Variants in RNH1 observed in about 807,000 individuals in gnomAD.
RNH1 encodes the protein ribonuclease inhibitor.
RNH1 carries 38 observed loss-of-function variants against 46.1 expected under a neutral mutation model. That is an observed-to-expected ratio of 0.82 (90% CI 0.64 to 1.08). RNH1 has a LOEUF of 1.08. Among genes scored for constraint, RNH1 ranks in the 50% least tolerant of loss-of-function variants. The probability of loss-of-function intolerance (pLI) is 0.00; values close to 1 mark genes in which losing one functional copy is unlikely to be tolerated. For missense variants in RNH1, 577 were observed against 590.7 expected (o/e 0.98, Z 0.24); for synonymous variants, 319 against 279.1 (o/e 1.14, Z -1.43).
In RNH1 at chr11:502,263, C is replaced by G. The variant is rs1849818252; in HGVS notation, c.-87-14G>C. The stretch of plus-strand genomic sequence containing the variant: ...AGGCCGGAGATTCTGCAAACAGGAC[C>G]CACAGGGCTGATGTTTCAGGAGGAG... On this transcript the variant is annotated splice_polypyrimidine_tract_variant and intron_variant, in intron 2 of 10. Transcript: ENST00000354420. The surrounding 1 kb of genome is among the most constrained non-coding windows in gnomAD (Gnocchi z 5.8). The G allele has an allele frequency of 2.2e-6, 2 of 914,112 alleles. No individual in the cohort carries two copies. Among genetic ancestry groups the G allele is most frequent in the South Asian group, 2.8e-5 (2 of 71,082 alleles). The allele number at this position is 914,112 out of a possible 1,614,324, so 56.6% of individuals were successfully genotyped here. A position where few individuals can be genotyped will look rare whatever the true frequency, so the allele number is the denominator to read the frequency against.
intron 2 of RNH1, among the ~76,000 whole-genome samples, chr11:504,163 T>A (rs1850013219): frequency 6.6e-6 from 1 of 152,062 alleles, no homozygotes; most frequent in Non-Finnish European, 1.5e-5. Flanking sequence ...AGGGGCCGTC[T>A]GGAGGCCAAT....
chr11:494,803 A>G (rs775505273), intron 10 of RNH1, 25 bp from the exon 11 acceptor site: 3 of 1,611,978 alleles, frequency 1.9e-6, no homozygotes, highest in Middle Eastern at 1.7e-4. Flanking sequence ...GAAGGGAGGC[A>G]TGGGCCCGTG....
In RNH1 at chr11:504,939, G is replaced by GCCGT. The variant is rs1210286709; in HGVS notation, c.-207_-204dup. The GCCGT allele has an allele frequency of 1.3e-5, 2 of 152,178 alleles. No homozygotes were observed. Among genetic ancestry groups the GCCGT allele is most frequent in the East Asian group, 3.9e-4 (2 of 5,190 alleles). 9.4% of individuals were successfully genotyped at this position (152,178 alleles called of 1,614,324 possible). ...AGGACGGGTTTTGGAGCGCCGCTCGGCCGTCCTCAAAACTTTGGACACACC... is the reference window on the plus strand; with the variant it reads ...AGGACGGGTTTTGGAGCGCCGCTCGGCCGTCCGTCCTCAAAACTTTGGACACACC... On this transcript the variant is annotated 5_prime_UTR_variant, in exon 2 of 11. Transcript: ENST00000354420.
rs1849809645 is a variant in RNH1, at chr11:502,200, G to A, written c.-38C>T. 1.3e-6 allele frequency: 2 copies of A among 1,516,086 alleles called. No individual in the cohort carries two copies. Among genetic ancestry groups the A allele is most frequent in the Non-Finnish European group, 1.8e-6 (2 of 1,103,068 alleles). 93.9% of individuals were successfully genotyped at this position (1,516,086 alleles called of 1,614,324 possible). The stretch of plus-strand genomic sequence containing the variant: ...GAGTGGCCTGGGTGGGAGGCAGAGG[G>A]AAGAGGACGTCTTGGCCGAATCCCC... On this transcript the variant is annotated 5_prime_UTR_variant, in exon 3 of 11. Coordinates refer to ENST00000354420, the MANE Select transcript of RNH1 (RefSeq NM_203387.3). The surrounding 1 kb of genome is among the most constrained non-coding windows in gnomAD (Gnocchi z 5.8).
chr11:500,262 G>A, intron 4 of RNH1: 1 of 676,114 alleles, frequency 1.5e-6, no homozygotes, highest in East Asian at 2.7e-5. Flanking sequence ...TGGCGGGCAG[G>A]GCCAGATCTT....
At chr11:494,820 C>T (rs1848893713) in intron 10 of RNH1, 42 bp from the exon 11 acceptor site, 2 of 1,612,740 alleles carry the variant, frequency 1.2e-6, no homozygotes, top group Non-Finnish European at 1.7e-6. Flanking sequence ...CGTGTCCTCC[C>T]CCACCCCCGC....
At chr11:497,413 TCACA>T (rs1337978449) in intron 9 of RNH1, among the ~76,000 whole-genome samples, 1 of 133,874 alleles carries the variant, frequency 7.5e-6, no homozygotes, top group Non-Finnish European at 1.6e-5. Flanking sequence ...ACCCATGTGC[TCACA>T]CACGGACACT....
chr11:505,282 A>G (rs1440790547), intron 1 of RNH1: 1 of 152,214 alleles, frequency 6.6e-6, no homozygotes, highest in African/African-American at 2.4e-5. Context: ...AATGGCCCTG[A>G]AAGATGTCCA....
chr11:494,781 G>A lies in RNH1; in HGVS notation c.1299-3C>T. 1 of 1,613,834 alleles carries A rather than the reference G, an allele frequency of 6.2e-7. No homozygotes were observed. The highest frequency in any genetic ancestry group is 8.5e-7 in the Non-Finnish European group (1 of 1,179,968). On this transcript the variant is annotated splice_region_variant and splice_polypyrimidine_tract_variant and intron_variant, in intron 10 of 10. Transcript: ENST00000354420. The stretch of plus-strand genomic sequence containing the variant: ...CAGACCAGTAAATGTCGTACAGGCT[G>A]CACACAGGCCAGAAGGGAGGCATGG...
chr11:494,535 G>T lies in RNH1; in HGVS notation c.*156C>A. Reference sequence around the variant, plus strand: ...TCTCCTGCCAAGAAAGTGCTTTAATGATTATAAAGTGTCCAAAATATACTG... The same window carrying T: ...TCTCCTGCCAAGAAAGTGCTTTAATTATTATAAAGTGTCCAAAATATACTG... On this transcript the variant is annotated 3_prime_UTR_variant, in exon 11 of 11. Transcript: ENST00000354420. The T allele has an allele frequency of 1.4e-6, 1 of 710,912 alleles. No homozygotes were observed. Among genetic ancestry groups the T allele is most frequent in the South Asian group, 1.7e-5 (1 of 59,474 alleles). 44.0% of individuals were successfully genotyped at this position (710,912 alleles called of 1,614,324 possible).
At chr11:499,336 CCAG>C (rs1849504163) in intron 5 of RNH1, 151 bp from the exon 6 acceptor site, 1 of 803,084 alleles carries the variant, frequency 1.2e-6, no homozygotes, top group African/African-American at 1.7e-5. Context: ...ACAGACTCAT[CCAG>C]AGGCCCGGGC....
At chr11:504,322 C>A (rs917211773) in intron 2 of RNH1, 1 of 151,820 alleles carries the variant, frequency 6.6e-6, no homozygotes, top group Non-Finnish European at 1.5e-5. Context: ...GTTCTGGACA[C>A]CCTGCTGCAG....
intron 9 of RNH1, among the ~76,000 whole-genome samples, chr11:497,387 G>A (rs211525): frequency 0.036 from 4,017 of 111,780 alleles, 73 homozygotes; most frequent in Middle Eastern, 0.087. Flanking sequence ...GCTCACACTC[G>A]GACACTCGTG....
chr11:506,330 G>A (rs982754575), intron 1 of RNH1: 1 of 152,238 alleles, frequency 6.6e-6, no homozygotes, highest in Non-Finnish European at 1.5e-5. Flanking sequence ...AAACGGTGCA[G>A]AAGTCCTCTG....
chr11:499,152 G>A lies in RNH1; in HGVS notation c.477C>T (p.Cys159=), dbSNP rs1010880526. 20 of 1,612,734 alleles carry A rather than the reference G, an allele frequency of 1.2e-5. No individual in the cohort carries two copies. The highest frequency in any genetic ancestry group is 1.4e-5 in the Non-Finnish European group (17 of 1,179,946). ...CCCTGAGCACGGAGGCCAGGGGCTC[G>A]CAGCTGGCAGCCGAGAGGCTGCAAT... ...LEYCSLSAAS[C]EPLASVLRAK... Residue 159 remains cysteine (C), a synonymous_variant, in exon 6 of 11, where the codon TGC becomes TGT. Transcript: ENST00000354420.
Position 498,750 on chromosome 11 carries a change from G to A in RNH1, c.785+13C>T, listed in dbSNP as rs371254423. The A allele has an allele frequency of 1.4e-5, 22 of 1,592,994 alleles. No homozygotes were observed. Among genetic ancestry groups the A allele is most frequent in the African/African-American group, 5.4e-5 (4 of 74,746 alleles). On this transcript the variant is annotated intron_variant, in intron 7 of 10. Coordinates refer to ENST00000354420, the MANE Select transcript of RNH1 (RefSeq NM_203387.3). ...CGACCCTCCGGGAAGGAGGCCTCGC[G>A]GAGATGACTCACCACAGGGTCCTGA...
intron 2 of RNH1, among the ~76,000 whole-genome samples, chr11:504,195 T>C (rs1850017875): frequency 6.6e-6 from 1 of 152,190 alleles, no homozygotes; most frequent in African/African-American, 2.4e-5. Context: ...TGTTCCGACG[T>C]GACGGGGGCG....
intron 9 of RNH1, among the ~76,000 whole-genome samples, chr11:497,304 T>A (rs1200461253): frequency 6.9e-5 from 9 of 130,756 alleles, no homozygotes; most frequent in Admixed American, 7.6e-5. Flanking sequence ...TTCTTGCCCA[T>A]GTGCTCACAC....
intron 1 of RNH1, chr11:505,501 G>T (rs950416415): frequency 6.6e-6 from 1 of 152,186 alleles, no homozygotes; most frequent in African/African-American, 2.4e-5. Context: ...TTCTCCTTGG[G>T]AAACTCCAGA....
Sources: allele counts gnomAD v4.1 joint callset (sites outside exome capture counted in the v4.1 genomes callset), GRCh38; gene constraint gnomAD v4.1.1; non-coding constraint Gnocchi (gnomAD v3.1); transcripts MANE v1.5; gene names NCBI Gene and HGNC (gene_info 2026-07-23, HGNC 2026-07-21).